The following PPCDC variants were observed in gnomAD, a reference collection of about 807,000 sequenced individuals.
The protein encoded by PPCDC is phosphopantothenoylcysteine decarboxylase.
Under a neutral mutation model 20.7 loss-of-function variants are expected in PPCDC, and 20 were observed. The ratio of observed to expected loss-of-function variants is 0.97; its 90% CI spans 0.68 to 1.41. The LOEUF (loss-of-function observed/expected upper bound fraction) is 1.41. Ranked by LOEUF, PPCDC falls within the 40% of genes most tolerant of loss-of-function variation. The pLI is 0.00. For synonymous variants in PPCDC, 88 were observed against 100.3 expected, an observed-to-expected ratio of 0.88 and a Z score of 0.73; for missense variants, 246 against 263.8, an observed-to-expected ratio of 0.93 and a Z score of 0.47.
chr15:75,032,377 A>G (rs1430002582), intron 2 of PPCDC, among the ~76,000 whole-genome samples: 1 of 152,176 alleles, frequency 6.6e-6, no homozygotes, highest in Admixed American at 6.5e-5. Flanking sequence ...CTCTGCTCAT[A>G]TGCAGTGTGG....
intron 2 of PPCDC, among the ~76,000 whole-genome samples, chr15:75,040,455 G>T (rs529854615): frequency 6.4e-4 from 97 of 152,182 alleles, no homozygotes; most frequent in Middle Eastern, 3.4e-3. Context: ...TTAACTAAAA[G>T]CTTTTTCTTC....
intron 1 of PPCDC, among the ~76,000 whole-genome samples, chr15:75,026,334 T>G (rs1005446250): frequency 2.0e-5 from 3 of 152,266 alleles, no homozygotes; most frequent in Non-Finnish European, 4.4e-5. Context: ...GTAGCCCTTC[T>G]GTACCTTGTC....
chr15:75,044,705 C>T, intron 4 of PPCDC, 191 bp downstream of exon 4: 1 of 734,674 alleles, frequency 1.4e-6, no homozygotes, highest in Non-Finnish European at 2.1e-6. Context: ...AGCCCTGGTC[C>T]TGATGGGTCA....
chr15:75,025,007 T>C (rs1029566223), intron 1 of PPCDC, among the ~76,000 whole-genome samples: 1 of 151,864 alleles, frequency 6.6e-6, no homozygotes, highest in Non-Finnish European at 1.5e-5. Flanking sequence ...CACTGCAGCC[T>C]TCTAGGCTCA....
intron 2 of PPCDC, among the ~76,000 whole-genome samples, chr15:75,032,063 C>T (rs2066027886): frequency 6.6e-6 from 1 of 152,180 alleles, no homozygotes; most frequent in African/African-American, 2.4e-5. Flanking sequence ...GAAAGTTCCT[C>T]CCTGCATTTG....
chr15:75,033,196 G>T (rs553650058), intron 2 of PPCDC, among the ~76,000 whole-genome samples: 1 of 152,330 alleles, frequency 6.6e-6, no homozygotes. Context: ...TCATGTCCAA[G>T]ACAATTTATT....
intron 1 of PPCDC, among the ~76,000 whole-genome samples, chr15:75,027,127 CTG>C (rs1010841372): frequency 2.0e-5 from 3 of 152,186 alleles, no homozygotes; most frequent in Non-Finnish European, 4.4e-5. Context: ...TTAATTGAGT[CTG>C]TGATCACCAA....
chr15:75,024,883 T>C (rs1320563373), intron 1 of PPCDC, among the ~76,000 whole-genome samples: 1 of 151,354 alleles, frequency 6.6e-6, no homozygotes, highest in Non-Finnish European at 1.5e-5. Context: ...CCTGATACAG[T>C]GTAAATGCTA....
chr15:75,048,732 T>C lies in PPCDC; in HGVS notation c.529+11T>C. On this transcript the variant is annotated intron_variant, in intron 5 of 5. Transcript: ENST00000342932. The stretch of plus-strand genomic sequence containing the variant: ...TGTGCGGAGATGAAGGTGGGTGTCT[T>C]GCCAGGCTTATAGCCCAGGGCTGTA... 1.2e-6 allele frequency: 2 copies of C among 1,613,496 alleles called. No homozygotes were observed. Among genetic ancestry groups the C allele is most frequent in the East Asian group, 2.2e-5 (1 of 44,888 alleles).
intron 1 of PPCDC, among the ~76,000 whole-genome samples, chr15:75,026,279 G>A (rs1486647524): frequency 6.6e-6 from 1 of 152,184 alleles, no homozygotes; most frequent in Non-Finnish European, 1.5e-5. Flanking sequence ...TAAAGAATGT[G>A]CCTCCATCAC....
At chr15:75,040,500 T>C (rs916901184) in intron 2 of PPCDC, among the ~76,000 whole-genome samples, 2 of 152,224 alleles carry the variant, frequency 1.3e-5, no homozygotes, top group Non-Finnish European at 2.9e-5. Context: ...GCTTTAAATT[T>C]ATCTTTTTAT....
At chr15:75,024,146 T>G (rs904278109) in intron 1 of PPCDC, among the ~76,000 whole-genome samples, 3 of 152,174 alleles carry the variant, frequency 2.0e-5, no homozygotes, top group African/African-American at 7.2e-5. Context: ...CTGCTGTCCT[T>G]GAAGTATTTG....
intron 2 of PPCDC, among the ~76,000 whole-genome samples, chr15:75,042,989 CCA>C (rs2066172152): frequency 6.6e-6 from 1 of 152,262 alleles, no homozygotes; most frequent in African/African-American, 2.4e-5. Context: ...GCCCCAGCCC[CCA>C]GCGCCTTGGC....
intron 1 of PPCDC, among the ~76,000 whole-genome samples, chr15:75,027,755 C>G (rs1027579298): frequency 6.6e-6 from 1 of 152,154 alleles, no homozygotes; most frequent in African/African-American, 2.4e-5. Context: ...CCCTCGCTGC[C>G]CACGGCATTC....
chr15:75,034,560 T>G (rs1395121518), intron 2 of PPCDC, among the ~76,000 whole-genome samples: 1 of 152,182 alleles, frequency 6.6e-6, no homozygotes, highest in Non-Finnish European at 1.5e-5. Context: ...CCAACCGCAC[T>G]GGGCCCCAAG....
chr15:75,044,307 C>T (rs974215159), intron 3 of PPCDC, 79 bp from the exon 4 acceptor site: 3 of 1,575,996 alleles, frequency 1.9e-6, no homozygotes, highest in Admixed American at 3.3e-5. Context: ...TCCTCAGTCT[C>T]CTGACTTACC....
chr15:75,049,082 A>G, intron 5 of PPCDC, 68 bp from the exon 6 acceptor site: 2 of 1,428,220 alleles, frequency 1.4e-6, no homozygotes, highest in Non-Finnish European at 2.0e-6. Context: ...ACTTGGAGCA[A>G]TGGGCAGGGG....
chr15:75,043,594 A>T, intron 3 of PPCDC, 58 bp downstream of exon 3: 1 of 1,408,142 alleles, frequency 7.1e-7, no homozygotes, highest in Non-Finnish European at 9.9e-7. Flanking sequence ...AGGACAGAAC[A>T]GTCCTCCCTA....
At chr15:75,031,757 A>G (rs2066024428) in intron 2 of PPCDC, among the ~76,000 whole-genome samples, 1 of 152,186 alleles carries the variant, frequency 6.6e-6, no homozygotes, top group African/African-American at 2.4e-5. Context: ...ATTTAGTTAC[A>G]TATCTGCACA....
Sources: allele counts gnomAD v4.1 joint callset (sites outside exome capture counted in the v4.1 genomes callset), GRCh38; gene constraint gnomAD v4.1.1; transcripts MANE v1.5; gene names NCBI Gene and HGNC (gene_info 2026-07-23, HGNC 2026-07-21).